Variants in PSD3 observed in about 807,000 individuals in gnomAD.
PSD3 encodes the protein pleckstrin and Sec7 domain containing 3, also known as PH and SEC7 domain-containing protein 3.
Under a neutral mutation model 105.5 loss-of-function variants are expected in PSD3, and 49 were observed. That is an observed-to-expected ratio of 0.46 (90% CI 0.37 to 0.59). PSD3 has a LOEUF of 0.59. Among genes scored for constraint, PSD3 ranks in the 20% least tolerant of loss-of-function variants. PSD3 has a pLI of 0.00. For missense variants in PSD3, 1,561 were observed against 1,263.8 expected (o/e 1.24, Z -3.57); for synonymous variants, 557 against 457.8 (o/e 1.22, Z -2.77).
At chr8:18,950,209 TA>T (rs1454258031) in intron 1 of PSD3, among the ~76,000 whole-genome samples, 1 of 152,230 alleles carries the variant, frequency 6.6e-6, no homozygotes, top group African/African-American at 2.4e-5. Context: ...AGACACAAAC[TA>T]TTCGTTGAAA....
Position 18,527,472 on chromosome 8 carries a change from C to T in PSD3, c.*8271G>A, listed in dbSNP as rs1799470926. On this transcript the variant is annotated 3_prime_UTR_variant, in exon 16 of 16. Coordinates refer to ENST00000327040, the MANE Select transcript of PSD3 (RefSeq NM_015310.4). ...ACAAAATATCCCCAACTTATAAAAA[C>T]ACAGGAACAATTATATTCATAAACA... The T allele has an allele frequency of 6.6e-6, 1 of 152,512 alleles. No individual in the cohort carries two copies. Among genetic ancestry groups the T allele is most frequent in the Admixed American group, 6.6e-5 (1 of 15,264 alleles). The allele number at this position is 152,512 out of a possible 1,614,324, so 9.4% of individuals were successfully genotyped here.
chr8:18,892,811 G>A (rs919115148), intron 2 of PSD3, among the ~76,000 whole-genome samples: 3 of 151,694 alleles, frequency 2.0e-5, no homozygotes, highest in East Asian at 1.9e-4. Context: ...TTTTAGTAGA[G>A]ACGAGTTTTC....
intron 15 of PSD3, among the ~76,000 whole-genome samples, chr8:18,536,425 T>C (rs1215961955): frequency 1.3e-5 from 2 of 152,188 alleles, no homozygotes; most frequent in Non-Finnish European, 2.9e-5. Flanking sequence ...CCTGTAACCC[T>C]ACAAAGGCTT....
rs1321103289 is a variant in PSD3 at position 18,531,801 on chromosome 8, A to G, written c.*3942T>C. ...ATGCCACTTTGGTTCTTTGTTTTAC[A>G]GTGCTAATTTTACAATTGGAAAAAA... On this transcript the variant is annotated 3_prime_UTR_variant, in exon 16 of 16. Coordinates refer to ENST00000327040, the MANE Select transcript of PSD3 (RefSeq NM_015310.4). The G allele has an allele frequency of 1.3e-5, 2 of 152,244 alleles. No individual in the cohort carries two copies. The highest frequency in any genetic ancestry group is 2.9e-5 in the Non-Finnish European group (2 of 68,036). The allele number at this position is 152,244 out of a possible 1,614,324, so 9.4% of individuals were successfully genotyped here. A position where few individuals can be genotyped will look rare whatever the true frequency, so the allele number is the denominator to read the frequency against.
At chr8:19,064,749 C>T (rs1163626997) in intron 1 of PSD3, among the ~76,000 whole-genome samples, 1 of 152,122 alleles carries the variant, frequency 6.6e-6, no homozygotes, top group Non-Finnish European at 1.5e-5. Flanking sequence ...CATGAAATTC[C>T]AGGAATTAAA....
At chr8:18,940,544 C>G (rs1463297986) in intron 1 of PSD3, 1 of 152,184 alleles carries the variant, frequency 6.6e-6, no homozygotes, top group Non-Finnish European at 1.5e-5. Context: ...TTAACATACT[C>G]CACCTTGCTA....
At chr8:18,759,107 C>G (rs917744998) in intron 9 of PSD3, among the ~76,000 whole-genome samples, 1 of 151,920 alleles carries the variant, frequency 6.6e-6, no homozygotes, top group Non-Finnish European at 1.5e-5. Context: ...CTCTCTCTCT[C>G]TCTCTCTCTT....
chr8:18,713,346 T>C (rs1340058712), intron 9 of PSD3, among the ~76,000 whole-genome samples: 3 of 152,166 alleles, frequency 2.0e-5, no homozygotes, highest in Non-Finnish European at 2.9e-5. Context: ...CAAATTGTCT[T>C]TGTTTGCAGA....
intron 9 of PSD3, among the ~76,000 whole-genome samples, chr8:18,711,790 T>A (rs1397896357): frequency 6.6e-6 from 1 of 152,178 alleles, no homozygotes; most frequent in Non-Finnish European, 1.5e-5. Flanking sequence ...CTGACAGGTA[T>A]CTACAGAACC....
chr8:18,660,834 C>G (rs142513124), intron 9 of PSD3, among the ~76,000 whole-genome samples: 135 of 152,280 alleles, frequency 8.9e-4, no homozygotes, highest in Non-Finnish European at 1.4e-3. Context: ...ATACCTCTCT[C>G]GACACTAGCC....
chr8:19,019,087 G>A (rs74884604), intron 1 of PSD3, among the ~76,000 whole-genome samples: 14,455 of 152,198 alleles, frequency 0.095, 876 homozygotes, highest in Non-Finnish European at 0.14. Context: ...GAGCCACTGC[G>A]CCCAGCCAGA....
chr8:18,596,061 C>A (rs1216301457), intron 12 of PSD3, among the ~76,000 whole-genome samples: 1 of 151,444 alleles, frequency 6.6e-6, no homozygotes, highest in Non-Finnish European at 1.5e-5. Context: ...ATATATTGTC[C>A]AATCACAAAG....
At chr8:18,658,058 A>G (rs1157349459) in intron 9 of PSD3, among the ~76,000 whole-genome samples, 1 of 152,232 alleles carries the variant, frequency 6.6e-6, no homozygotes, top group African/African-American at 2.4e-5. Flanking sequence ...TATCTCATGA[A>G]GATAATCTAT....
chr8:18,626,929 A>G (rs931983179), intron 11 of PSD3, among the ~76,000 whole-genome samples: 1 of 152,114 alleles, frequency 6.6e-6, no homozygotes, highest in African/African-American at 2.4e-5. Flanking sequence ...TAGTTCAGTA[A>G]ATATTAGGTC....
At chr8:18,953,610 G>A (rs561601813) in intron 1 of PSD3, among the ~76,000 whole-genome samples, 3 of 152,108 alleles carry the variant, frequency 2.0e-5, no homozygotes, top group South Asian at 2.1e-4. Context: ...TTAGCTGGGC[G>A]TGGTGGCAGG....
upstream of PSD3, among the ~76,000 whole-genome samples, chr8:19,018,674 TG>T (rs1442754956): frequency 6.6e-6 from 1 of 152,188 alleles, no homozygotes; most frequent in Non-Finnish European, 1.5e-5. Context: ...ACTTGGAATT[TG>T]TTTGGGCATT....
intron 7 of PSD3, 79 bp downstream of exon 7, chr8:18,801,191 C>G: frequency 1.2e-6 from 1 of 849,402 alleles, no homozygotes; most frequent in South Asian, 1.8e-5. Flanking sequence ...CATAATTTCT[C>G]ACAATAAAAT....
chr8:19,010,297 C>T (rs1370655432), intron 1 of PSD3, among the ~76,000 whole-genome samples: 1 of 152,182 alleles, frequency 6.6e-6, no homozygotes, highest in Admixed American at 6.5e-5. Context: ...GATGTGTCAA[C>T]AAAGTCCCTC....
intron 6 of PSD3, chr8:18,803,091 G>A (rs1563288134): frequency 5.7e-6 from 1 of 174,424 alleles, no homozygotes; most frequent in Non-Finnish European, 1.3e-5. Flanking sequence ...TTCGTGACCA[G>A]CCTGGCCAAT....
Sources: allele counts gnomAD v4.1 joint callset (sites outside exome capture counted in the v4.1 genomes callset), GRCh38; gene constraint gnomAD v4.1.1; transcripts MANE v1.5; gene names NCBI Gene and HGNC (gene_info 2026-07-23, HGNC 2026-07-21).